The following SLC12A2 variants were observed in gnomAD, a reference collection of about 807,000 sequenced individuals.
The protein encoded by SLC12A2 is Na-K-2Cl cotransporter 1.
A neutral mutation model predicts 136.3 loss-of-function variants in SLC12A2; 67 were observed. The observed-to-expected ratio is 0.49, with a 90% CI of 0.40 to 0.60. The LOEUF (loss-of-function observed/expected upper bound fraction) is 0.60. Ranked by LOEUF, SLC12A2 falls within the 20% of genes least tolerant of loss-of-function variation. The pLI is 0.00. For missense variants in SLC12A2, 1,322 were observed against 1,534.7 expected, an observed-to-expected ratio of 0.86 and a Z score of 2.32; for synonymous variants, 619 against 562.9, an observed-to-expected ratio of 1.10 and a Z score of -1.41.
intron 17 of SLC12A2, among the ~76,000 whole-genome samples, chr5:128,163,666 T>C (rs1285843752): frequency 2.0e-5 from 3 of 152,206 alleles, no homozygotes; most frequent in African/African-American, 7.2e-5. Context: ...AGGAGCTATA[T>C]ATATCAACAT....
intron 16 of SLC12A2, among the ~76,000 whole-genome samples, chr5:128,160,720 A>G (rs1376846058): frequency 1.3e-5 from 2 of 152,156 alleles, no homozygotes; most frequent in African/African-American, 4.8e-5. Flanking sequence ...TTGTTGGATC[A>G]GCTTCTCTCT....
intron 5 of SLC12A2, among the ~76,000 whole-genome samples, chr5:128,131,962 G>A (rs941523965): frequency 1.1e-4 from 16 of 152,182 alleles, no homozygotes; most frequent in African/African-American, 2.2e-4. Flanking sequence ...CCGAGATCGC[G>A]CCTTTGCTCT....
At chr5:128,170,610 A>G (rs1581133109) in intron 18 of SLC12A2, 1 of 152,174 alleles carries the variant, frequency 6.6e-6, no homozygotes, top group East Asian at 1.9e-4. Flanking sequence ...ATAATAATTA[A>G]AGATGAAAGT....
intron 1 of SLC12A2, among the ~76,000 whole-genome samples, chr5:128,091,916 A>C (rs1361058490): frequency 6.6e-6 from 1 of 152,176 alleles, no homozygotes; most frequent in Non-Finnish European, 1.5e-5. Context: ...AATTCTGGAA[A>C]CCTGTGGGAT....
chr5:128,167,654 TA>T, intron 17 of SLC12A2, 106 bp from the exon 18 acceptor site: 1 of 653,528 alleles, frequency 1.5e-6, no homozygotes, highest in Non-Finnish European at 2.6e-6. Context: ...GAATTTTTGT[TA>T]AGAGTGTCTA....
intron 18 of SLC12A2, chr5:128,171,154 A>G (rs897926744): frequency 6.5e-6 from 1 of 153,078 alleles, no homozygotes; most frequent in Non-Finnish European, 1.5e-5. Flanking sequence ...TGTATATAAA[A>G]TCTTTGAACC....
At position 128,141,996 on chromosome 5, in the gene SLC12A2, T is replaced by C. The variant is rs199958255; in HGVS notation, c.1773+15T>C. The C allele has an allele frequency of 3.7e-4, 601 of 1,610,384 alleles. 1 individual carries two copies. The highest frequency in any genetic ancestry group is 4.9e-4 in the Non-Finnish European group (577 of 1,176,922). On this transcript the variant is annotated intron_variant, in intron 10 of 26. Transcript: ENST00000262461. ...ACAACTTCCAGGTGAGCATTGACTT[T>C]GTAATATACAGACATTCTGTATTTA...
rs1014756958 is a variant in SLC12A2 at position 128,083,995 on chromosome 5, G to T, written c.41G>T (p.Gly14Val). 2.6e-5 allele frequency: 33 copies of T among 1,249,244 alleles called. No individual in the cohort carries two copies. The Admixed American group carries it at 1.1e-3, about 42-fold the overall frequency. The allele number at this position is 1,249,244 out of a possible 1,614,324, so 77.4% of individuals were successfully genotyped here. ...ACGGCGCCCTCCTCCGGCGCCCCGG[G>T]ACTGGCCGGGGTCGGGGAGACGCCG... ...RPTAPSSGAP[G>V]LAGVGETPSA... The change falls in exon 1 of 27, where the codon GGA (glycine) becomes GTA (valine). Residue 14 changes from glycine to valine, a missense_variant. This residue lies in a region of SLC12A2 where 358 missense variants were observed against 299.7 expected (regional missense o/e 1.19). Transcript: ENST00000262461.
intron 5 of SLC12A2, among the ~76,000 whole-genome samples, chr5:128,131,711 TAAAG>T (rs975016503): frequency 5.5e-4 from 80 of 144,248 alleles, no homozygotes; most frequent in African/African-American, 1.9e-3. Flanking sequence ...CTCGGAAAAA[TAAAG>T]AAAAGTACAG....
chr5:128,178,799 T>C, intron 22 of SLC12A2, 110 bp downstream of exon 22: 2 of 713,098 alleles, frequency 2.8e-6, no homozygotes, highest in Non-Finnish European at 4.2e-6. Context: ...TTTGCCAGCA[T>C]TCCCAAAAGC....
At chr5:128,121,525 T>G (rs1438408060) in intron 4 of SLC12A2, among the ~76,000 whole-genome samples, 1 of 152,040 alleles carries the variant, frequency 6.6e-6, no homozygotes, top group Non-Finnish European at 1.5e-5. Context: ...GGTTTCATTG[T>G]GTGAGCCAGG....
intron 15 of SLC12A2, among the ~76,000 whole-genome samples, chr5:128,155,012 T>A (rs773963309): frequency 4.2e-4 from 64 of 152,152 alleles, no homozygotes; most frequent in Non-Finnish European, 6.9e-4. Flanking sequence ...GCATCACTAC[T>A]CTTGTGCTTT....
intron 10 of SLC12A2, among the ~76,000 whole-genome samples, chr5:128,146,937 A>G (rs1762547025): frequency 6.6e-6 from 1 of 151,740 alleles, no homozygotes; most frequent in African/African-American, 2.4e-5. Context: ...GAGGTTAAGC[A>G]ATACAATGAT....
At chr5:128,107,048 A>G (rs1336836537) in intron 1 of SLC12A2, among the ~76,000 whole-genome samples, 1 of 152,182 alleles carries the variant, frequency 6.6e-6, no homozygotes, top group African/African-American at 2.4e-5. Context: ...AAGATAAGGG[A>G]ACTCCTCCTT....
chr5:128,111,980 C>T (rs1021261495), intron 1 of SLC12A2, among the ~76,000 whole-genome samples: 6 of 152,070 alleles, frequency 3.9e-5, no homozygotes, highest in Non-Finnish European at 5.9e-5. Flanking sequence ...AGAGGAAGAA[C>T]CACAGGATGG....
At chr5:128,123,441 A>G (rs1421033389) in intron 4 of SLC12A2, among the ~76,000 whole-genome samples, 4 of 152,154 alleles carry the variant, frequency 2.6e-5, no homozygotes, top group African/African-American at 7.2e-5. Flanking sequence ...TTCACTTTCT[A>G]TTCCAACCAA....
intron 26 of SLC12A2, 110 bp downstream of exon 26, chr5:128,184,966 A>G (rs2126762005): frequency 1.0e-6 from 1 of 966,042 alleles, no homozygotes; most frequent in Non-Finnish European, 1.6e-6. Context: ...CTTAGTGGTT[A>G]TAAGGAGGAA....
intron 1 of SLC12A2, among the ~76,000 whole-genome samples, chr5:128,107,693 G>T (rs750609409): frequency 6.6e-6 from 1 of 152,098 alleles, no homozygotes; most frequent in Non-Finnish European, 1.5e-5. Context: ...GTCTATCATT[G>T]TGGGAGTTTG....
In SLC12A2 at chr5:128,084,817, C is replaced by A; in HGVS notation, c.756+107C>A. 1 of 1,234,750 alleles carries A rather than the reference C, an allele frequency of 8.1e-7. No homozygotes were observed. Among genetic ancestry groups the A allele is most frequent in the Non-Finnish European group, 1.1e-6 (1 of 912,598 alleles). The allele number at this position is 1,234,750 out of a possible 1,614,324, so 76.5% of individuals were successfully genotyped here. On this transcript the variant is annotated intron_variant, in intron 1 of 26. Coordinates refer to ENST00000262461, the MANE Select transcript of SLC12A2 (RefSeq NM_001046.3). This position sits in a 1 kb window ranked among gnomAD's most constrained non-coding sequence, Gnocchi z 5.6. Reference sequence around the variant, plus strand: ...TGAGGTGGCGGGAGTAGTAGACGTGCACGACTTGCTGGCATCTCTGGATTC... The same window carrying A: ...TGAGGTGGCGGGAGTAGTAGACGTGAACGACTTGCTGGCATCTCTGGATTC...
Sources: allele counts gnomAD v4.1 joint callset (sites outside exome capture counted in the v4.1 genomes callset), GRCh38; gene constraint gnomAD v4.1.1; regional missense constraint gnomAD v4.1.1; non-coding constraint Gnocchi (gnomAD v3.1); transcripts MANE v1.5; gene names NCBI Gene and HGNC (gene_info 2026-07-23, HGNC 2026-07-21).